MRPL1: variants seen among roughly 807,000 people sequenced by gnomAD.
MRPL1 encodes large ribosomal subunit protein uL1m.
In MRPL1, 28 loss-of-function variants were observed where a neutral mutation model predicts 38.0. The observed-to-expected ratio is 0.74, with a 90% confidence interval of 0.55 to 1.01. The LOEUF is 1.01. MRPL1 is among the 50% of genes least tolerant of loss of function. The probability of loss-of-function intolerance (pLI) is 0.00; values close to 1 mark genes in which losing one functional copy is unlikely to be tolerated. For synonymous variants in MRPL1, 123 were observed against 126.7 expected, an observed-to-expected ratio of 0.97 and a Z score of 0.20; for missense variants, 358 against 389.8, an observed-to-expected ratio of 0.92 and a Z score of 0.69.
At chr4:77,891,225 G>A (rs1735797026) in intron 5 of MRPL1, among the ~76,000 whole-genome samples, 1 of 151,918 alleles carries the variant, frequency 6.6e-6, no homozygotes, top group Non-Finnish European at 1.5e-5. Flanking sequence ...TTTGAGAATA[G>A]AGCTGGGTCT....
intron 3 of MRPL1, 78 bp downstream of exon 3, chr4:77,883,578 GTTA>G: frequency 5.1e-6 from 7 of 1,361,564 alleles, no homozygotes; most frequent in South Asian, 1.6e-5. Flanking sequence ...TTATTTTATT[GTTA>G]TTATTATTTT....
At chr4:77,915,208 C>G (rs905647490) in intron 7 of MRPL1, among the ~76,000 whole-genome samples, 9 of 152,104 alleles carry the variant, frequency 5.9e-5, no homozygotes, top group Non-Finnish European at 1.0e-4. Flanking sequence ...CGGAATTGAT[C>G]TTGAGTAGTT....
intron 1 of MRPL1, among the ~76,000 whole-genome samples, chr4:77,871,433 T>C (rs1198494403): frequency 6.6e-6 from 1 of 151,962 alleles, no homozygotes; most frequent in Non-Finnish European, 1.5e-5. Context: ...GCCTCCCAAG[T>C]AGCTGGGACT....
At chr4:77,872,115 A>G (rs927567369) in intron 2 of MRPL1, among the ~76,000 whole-genome samples, 1 of 152,154 alleles carries the variant, frequency 6.6e-6, no homozygotes, top group Non-Finnish European at 1.5e-5. Flanking sequence ...TTTACAGAGA[A>G]GAAAATCGAG....
At chr4:77,863,130 T>A (rs1428634600) in intron 1 of MRPL1, 1 of 551,998 alleles carries the variant, frequency 1.8e-6, no homozygotes, top group Non-Finnish European at 3.2e-6. Context: ...CAGCCACCTA[T>A]GGGCATGGCA....
intron 2 of MRPL1, among the ~76,000 whole-genome samples, chr4:77,879,926 T>G (rs557298445): frequency 6.6e-6 from 1 of 152,316 alleles, no homozygotes; most frequent in East Asian, 1.9e-4. Flanking sequence ...AGGGTACTAT[T>G]ATTAGTGGTG....
intron 7 of MRPL1, among the ~76,000 whole-genome samples, chr4:77,935,387 A>C (rs968432404): frequency 6.6e-6 from 1 of 152,090 alleles, no homozygotes; most frequent in Non-Finnish European, 1.5e-5. Context: ...ATCAACAGTG[A>C]AAATAATTCT....
chr4:77,950,537 CATG>C lies in MRPL1; in HGVS notation c.859+662_859+664del, dbSNP rs1242851661. Among the ~76,000 whole-genome samples, 18 of 152,308 alleles carry C rather than the reference CATG, an allele frequency of 1.2e-4. No homozygotes were observed. In the East Asian group the frequency reaches 3.5e-3, roughly 29 times the overall value. ...ATTGACTACTCATTTGTAGGCTTACCATGATAAGAATTTGTCAGGTTTAGTTTT... is the reference window on the plus strand; with the variant it reads ...ATTGACTACTCATTTGTAGGCTTACCATAAGAATTTGTCAGGTTTAGTTTT... On this transcript the variant is annotated intron_variant, in intron 8 of 8. Coordinates refer to ENST00000315567, the MANE Select transcript of MRPL1 (RefSeq NM_020236.4).
intron 2 of MRPL1, among the ~76,000 whole-genome samples, chr4:77,880,230 C>T (rs756176169): frequency 7.2e-5 from 11 of 152,144 alleles, no homozygotes; most frequent in Admixed American, 2.6e-4. Context: ...TTTCTGGAGG[C>T]TCTAGGGGAT....
intron 7 of MRPL1, among the ~76,000 whole-genome samples, chr4:77,924,230 C>CCGTGGTG (rs1198724467): frequency 1.0e-4 from 5 of 50,206 alleles, no homozygotes; most frequent in African/African-American, 1.9e-4. Flanking sequence ...TACTATTAAT[C>CCGTGGTG]AGTGTGTTTC....
Position 77,866,121 on chromosome 4 carries a change from G to A in MRPL1, c.31+3242G>A, listed in dbSNP as rs993764748. On this transcript the variant is annotated intron_variant, in intron 1 of 8. Coordinates refer to ENST00000315567, the MANE Select transcript of MRPL1 (RefSeq NM_020236.4). Reference sequence around the variant, plus strand: ...GGCTAGAGTGCAGTGGCATGATCTCGGCTCACTGTAACCTGTGCCTCCCAG... The same window carrying A: ...GGCTAGAGTGCAGTGGCATGATCTCAGCTCACTGTAACCTGTGCCTCCCAG... Among the ~76,000 whole-genome samples the A allele has an allele frequency of 7.2e-5, 11 of 152,136 alleles. 1 individual carries two copies. Among genetic ancestry groups the A allele is most frequent in the Admixed American group, 5.9e-4 (9 of 15,276 alleles).
At chr4:77,926,596 G>C (rs967374624) in intron 7 of MRPL1, among the ~76,000 whole-genome samples, 1 of 141,648 alleles carries the variant, frequency 7.1e-6, no homozygotes, top group Non-Finnish European at 1.5e-5. Context: ...CATTCTTATA[G>C]TTTTTTTCTT....
rs1431091260 is a variant in MRPL1 at position 77,952,633 on chromosome 4, C to T, written c.*26C>T. The T allele has an allele frequency of 4.8e-6, 7 of 1,447,574 alleles. No individual in the cohort carries two copies. Among genetic ancestry groups the T allele is most frequent in the Non-Finnish European group, 6.8e-6 (7 of 1,034,388 alleles). The allele number at this position is 1,447,574 out of a possible 1,614,324, so 89.7% of individuals were successfully genotyped here. ...ATGTGGTGAATTGTGAAATTACTTTCAGTGGTTTAAGAAGCAATGGAGAAA... is the reference window on the plus strand; with the variant it reads ...ATGTGGTGAATTGTGAAATTACTTTTAGTGGTTTAAGAAGCAATGGAGAAA... On this transcript the variant is annotated 3_prime_UTR_variant, in exon 9 of 9. Transcript: ENST00000315567.
chr4:77,908,526 C>G (rs974244754), intron 6 of MRPL1, among the ~76,000 whole-genome samples: 1 of 152,152 alleles, frequency 6.6e-6, no homozygotes, highest in Admixed American at 6.5e-5. Flanking sequence ...AGCCACCATG[C>G]CTGGCCAGTG....
At chr4:77,898,657 A>AT (rs897561931) in intron 6 of MRPL1, among the ~76,000 whole-genome samples, 57 of 151,324 alleles carry the variant, frequency 3.8e-4, no homozygotes, top group African/African-American at 1.2e-3. Flanking sequence ...TGCCCAGGTA[A>AT]TTTTTTTTGT....
chr4:77,863,461 AT>A lies in MRPL1; in HGVS notation c.31+603del, dbSNP rs969402527. 9.3e-3 allele frequency among the ~76,000 whole-genome samples: 1,046 copies of A among 112,642 alleles called. 13 individuals are homozygous for A. Among genetic ancestry groups the A allele is most frequent in the African/African-American group, 0.029 (766 of 26,124 alleles). 73.9% of individuals were successfully genotyped at this position (112,642 alleles called of 152,430 possible). A position where few individuals can be genotyped will look rare whatever the true frequency, so the allele number is the denominator to read the frequency against. Reference sequence around the variant, plus strand: ...GATGACAGCCCTTTCTTGTGCAACAATTTTTTTTTTTTTTTTTTTTTGAGAC... The same window carrying A: ...GATGACAGCCCTTTCTTGTGCAACAATTTTTTTTTTTTTTTTTTTTGAGAC... On this transcript the variant is annotated intron_variant, in intron 1 of 8. Coordinates refer to ENST00000315567, the MANE Select transcript of MRPL1 (RefSeq NM_020236.4).
At chr4:77,895,070 G>A (rs958031345) in intron 6 of MRPL1, among the ~76,000 whole-genome samples, 12 of 152,246 alleles carry the variant, frequency 7.9e-5, no homozygotes, top group South Asian at 2.1e-4. Context: ...GATTGATGCC[G>A]TATTGAGAAG....
intron 1 of MRPL1, among the ~76,000 whole-genome samples, chr4:77,870,099 G>T (rs917811261): frequency 1.3e-5 from 2 of 151,948 alleles, no homozygotes; most frequent in African/African-American, 4.8e-5. Context: ...CCACTCTATT[G>T]CCCAGGCTGG....
intron 7 of MRPL1, among the ~76,000 whole-genome samples, chr4:77,945,135 A>ATTATTG (rs1173069372): frequency 1.8e-5 from 1 of 54,108 alleles, no homozygotes; most frequent in African/African-American, 7.3e-5. Context: ...ATCAATTATT[A>ATTATTG]TTATTATTAT....
Sources: allele counts gnomAD v4.1 joint callset (sites outside exome capture counted in the v4.1 genomes callset), GRCh38; gene constraint gnomAD v4.1.1; transcripts MANE v1.5; gene names NCBI Gene and HGNC (gene_info 2026-07-23, HGNC 2026-07-21).